SLC25A26: variants seen among roughly 807,000 people sequenced by gnomAD.
SLC25A26 encodes mitochondrial S-adenosylmethionine carrier protein.
SLC25A26 carries 36 observed loss-of-function variants against 37.8 expected under a neutral mutation model. The ratio of observed to expected loss-of-function variants is 0.95; its 90% confidence interval spans 0.73 to 1.26. The LOEUF (loss-of-function observed/expected upper bound fraction) is 1.26, where lower values mean the gene tolerates loss of function less well. Ranked by LOEUF, SLC25A26 falls within the 50% of genes most tolerant of loss-of-function variation. The probability of loss-of-function intolerance (pLI) is 0.00; values close to 1 mark genes in which losing one functional copy is unlikely to be tolerated. For synonymous variants in SLC25A26, 129 were observed against 122.5 expected, an observed-to-expected ratio of 1.05 and a Z score of -0.35; for missense variants, 390 against 331.1, an observed-to-expected ratio of 1.18 and a Z score of -1.38.
intron 1 of SLC25A26, among the ~76,000 whole-genome samples, chr3:66,179,814 AT>A (rs575730569): frequency 8.1e-4 from 123 of 152,114 alleles, no homozygotes; most frequent in Non-Finnish European, 1.2e-3. Flanking sequence ...ACTTGGTATT[AT>A]TTAGTATTAT....
chr3:66,190,067 T>C (rs1371504956), intron 1 of SLC25A26, among the ~76,000 whole-genome samples: 1 of 152,092 alleles, frequency 6.6e-6, no homozygotes, highest in Non-Finnish European at 1.5e-5. Flanking sequence ...ATCCCGGCAC[T>C]TTGGGAGGCC....
chr3:66,209,482 C>T (rs998603811), intron 1 of SLC25A26, among the ~76,000 whole-genome samples: 131,025 of 139,992 alleles, frequency 0.94, 61,892 homozygotes, highest in South Asian at 1. Context: ...AAGGTGTATA[C>T]ATATACTTTT....
chr3:66,327,173 C>T (rs1347298957), intron 5 of SLC25A26, among the ~76,000 whole-genome samples: 4 of 152,162 alleles, frequency 2.6e-5, no homozygotes, highest in African/African-American at 9.7e-5. Flanking sequence ...CAATTTCCCT[C>T]CTCACAATAC....
chr3:66,224,819 T>C (rs1245596402), intron 1 of SLC25A26, among the ~76,000 whole-genome samples: 5 of 152,158 alleles, frequency 3.3e-5, no homozygotes, highest in Non-Finnish European at 5.9e-5. Context: ...ATTGGGTAAA[T>C]ACACCCATTG....
At chr3:66,304,584 A>ATACGC in intron 5 of SLC25A26, 1 of 415,608 alleles carries the variant, frequency 2.4e-6, no homozygotes, top group South Asian at 1.8e-5. Flanking sequence ...TAACTGGGAT[A>ATACGC]TACGCTACAT....
intron 5 of SLC25A26, among the ~76,000 whole-genome samples, chr3:66,326,798 C>T (rs2075849779): frequency 1.3e-5 from 2 of 152,046 alleles, no homozygotes; most frequent in African/African-American, 4.8e-5. Context: ...AAAAGAATAC[C>T]AAGAAAAAGG....
chr3:66,175,538 A>T (rs2070573198), intron 1 of SLC25A26, among the ~76,000 whole-genome samples: 1 of 152,150 alleles, frequency 6.6e-6, no homozygotes, highest in Non-Finnish European at 1.5e-5. Context: ...AAGGTTTATT[A>T]TTAAAAAATG....
At chr3:66,329,536 A>G (rs992425741) in intron 5 of SLC25A26, among the ~76,000 whole-genome samples, 5 of 152,136 alleles carry the variant, frequency 3.3e-5, no homozygotes, top group Admixed American at 6.6e-5. Context: ...AAGAATGAAT[A>G]TAAGTGTTAG....
intron 5 of SLC25A26, among the ~76,000 whole-genome samples, chr3:66,328,784 T>C (rs1226295659): frequency 6.6e-6 from 1 of 152,202 alleles, no homozygotes; most frequent in East Asian, 1.9e-4. Context: ...TTTTGACTTA[T>C]GCCCTTAAGT....
At chr3:66,329,316 A>G (rs1020745811) in intron 5 of SLC25A26, among the ~76,000 whole-genome samples, 1 of 152,040 alleles carries the variant, frequency 6.6e-6, no homozygotes, top group Non-Finnish European at 1.5e-5. Context: ...GGACCTCTTC[A>G]TTTTCTTAAA....
chr3:66,155,937 C>T (rs1026341094), intron 1 of SLC25A26, among the ~76,000 whole-genome samples: 6 of 152,166 alleles, frequency 3.9e-5, no homozygotes, highest in African/African-American at 1.4e-4. Flanking sequence ...CTGACTTCGA[C>T]TTAGGAACCA....
At chr3:66,318,184 T>G (rs144140537) in intron 5 of SLC25A26, among the ~76,000 whole-genome samples, 27 of 152,226 alleles carry the variant, frequency 1.8e-4, no homozygotes, top group African/African-American at 6.5e-4. Flanking sequence ...CTCGCTGGGG[T>G]TCCCAGAGCT....
intron 1 of SLC25A26, among the ~76,000 whole-genome samples, chr3:66,144,869 T>A (rs1274887295): frequency 1.3e-5 from 2 of 152,202 alleles, no homozygotes; most frequent in African/African-American, 4.8e-5. Flanking sequence ...AGATCATGAC[T>A]CTAGACAACA....
chr3:66,323,140 G>A (rs1052354067), intron 5 of SLC25A26, among the ~76,000 whole-genome samples: 1 of 152,148 alleles, frequency 6.6e-6, no homozygotes, highest in Non-Finnish European at 1.5e-5. Flanking sequence ...AAGAGCATGA[G>A]GCTACTAATG....
chr3:66,295,467 G>A (rs1470542125), intron 5 of SLC25A26, among the ~76,000 whole-genome samples: 12 of 142,672 alleles, frequency 8.4e-5, no homozygotes, highest in East Asian at 2.1e-4. Context: ...GCAGTGGTAC[G>A]ATCGGCTTAC....
In SLC25A26 at chr3:66,362,907, A is replaced by G; in HGVS notation, c.546A>G (p.Ser182=). Residue 182 remains serine, a synonymous_variant, in exon 7 of 10, where the codon TCA becomes TCG. Transcript: ENST00000354883. ...RQDHVVDSWQ[S]AVCGAFAGGF... is the part of the protein sequence containing the mutation. ...ATCATGTGGTGGATTCTTGGCAGTC[A>G]GCAGTCTGTGGAGCTTTTGCAGGTG... 1.2e-6 allele frequency: 2 copies of G among 1,608,800 alleles called. No individual in the cohort carries two copies. Among genetic ancestry groups the G allele is most frequent in the Non-Finnish European group, 1.7e-6 (2 of 1,177,422 alleles).
chr3:66,267,526 G>A (rs1576753469), intron 5 of SLC25A26, among the ~76,000 whole-genome samples: 1 of 152,146 alleles, frequency 6.6e-6, no homozygotes, highest in East Asian at 1.9e-4. Context: ...GAGTCTGGAG[G>A]ATAACTTGCT....
At chr3:66,320,447 C>T (rs1206758749) in intron 5 of SLC25A26, among the ~76,000 whole-genome samples, 1 of 152,178 alleles carries the variant, frequency 6.6e-6, no homozygotes, top group East Asian at 1.9e-4. Flanking sequence ...CCCATTCCCT[C>T]TTTGAATAAT....
intron 1 of SLC25A26, among the ~76,000 whole-genome samples, chr3:66,233,817 G>A (rs782460039): frequency 6.6e-6 from 1 of 152,140 alleles, no homozygotes; most frequent in East Asian, 1.9e-4. Context: ...ATTGAATCTG[G>A]TCATTTTTTT....
Sources: gnomAD v4.1 joint callset for allele counts (sites outside exome capture counted in the v4.1 genomes callset) on GRCh38, gnomAD v4.1.1 for gene constraint, MANE v1.5 for transcripts, NCBI Gene and HGNC (gene_info 2026-07-23, HGNC 2026-07-21) for gene names.